Variants in COX7B2 observed in about 807,000 individuals in gnomAD.
The protein encoded by COX7B2 is cytochrome c oxidase subunit 7B2, also known as cytochrome c oxidase subunit 7B2, mitochondrial.
For missense variants in COX7B2, 109 were observed against 95.9 expected (o/e 1.14, Z -0.57); for synonymous variants, 37 against 32.1 (o/e 1.15, Z -0.51).
intron 2 of COX7B2, among the ~76,000 whole-genome samples, chr4:46,752,694 T>G (rs1577662082): frequency 6.6e-6 from 1 of 152,342 alleles, no homozygotes; most frequent in South Asian, 2.1e-4. Flanking sequence ...TTTTTGTCGT[T>G]GGTTCTGTTT....
chr4:46,829,685 T>A (rs1375072612), intron 2 of COX7B2, among the ~76,000 whole-genome samples: 3 of 152,142 alleles, frequency 2.0e-5, no homozygotes, highest in Admixed American at 6.6e-5. Flanking sequence ...TTGAACTGGA[T>A]CTTAAGAAGG....
chr4:46,781,895 G>A (rs1199585925), intron 2 of COX7B2, among the ~76,000 whole-genome samples: 1 of 152,216 alleles, frequency 6.6e-6, no homozygotes, highest in East Asian at 1.9e-4. Flanking sequence ...GCCTCCCCGT[G>A]TGGCAGGGCT....
At chr4:46,867,912 C>G (rs964474955) in intron 1 of COX7B2, among the ~76,000 whole-genome samples, 17 of 152,258 alleles carry the variant, frequency 1.1e-4, no homozygotes, top group African/African-American at 3.9e-4. Flanking sequence ...GGAGGAGTCC[C>G]TCCTCCTCAG....
chr4:46,828,651 T>TA (rs1279830046), intron 2 of COX7B2, among the ~76,000 whole-genome samples: 1 of 152,086 alleles, frequency 6.6e-6, no homozygotes, highest in East Asian at 1.9e-4. Context: ...AAAGTGCACA[T>TA]AGAGTACAAT....
chr4:46,782,749 A>T (rs1044844151), intron 2 of COX7B2, among the ~76,000 whole-genome samples: 1 of 152,098 alleles, frequency 6.6e-6, no homozygotes. Flanking sequence ...TGAACAAACA[A>T]CTCAAGATGC....
intron 1 of COX7B2, among the ~76,000 whole-genome samples, chr4:46,904,222 A>C (rs1720239789): frequency 1.3e-5 from 2 of 152,184 alleles, no homozygotes; most frequent in Non-Finnish European, 2.9e-5. Context: ...ATACTGATAA[A>C]TTGTACTATA....
At chr4:46,864,655 T>G (rs995219778) in intron 1 of COX7B2, among the ~76,000 whole-genome samples, 91 of 151,824 alleles carry the variant, frequency 6.0e-4, no homozygotes, top group Non-Finnish European at 1.0e-3. Flanking sequence ...TTTGTTTGTT[T>G]GTTTGTTTGT....
chr4:46,899,216 A>T (rs1719940093), intron 1 of COX7B2, among the ~76,000 whole-genome samples: 1 of 152,142 alleles, frequency 6.6e-6, no homozygotes, highest in African/African-American at 2.4e-5. Flanking sequence ...AATATACTAT[A>T]TTATACTGTA....
At chr4:46,884,895 T>A (rs925147114) in intron 1 of COX7B2, among the ~76,000 whole-genome samples, 6 of 151,902 alleles carry the variant, frequency 3.9e-5, no homozygotes, top group Non-Finnish European at 8.8e-5. Context: ...TTTTTTTTTT[T>A]ATTATGCTAG....
intron 2 of COX7B2, among the ~76,000 whole-genome samples, chr4:46,780,259 G>A (rs1302572042): frequency 6.6e-6 from 1 of 152,164 alleles, no homozygotes. Context: ...GCTCACACCT[G>A]TAATCCCCAG....
chr4:46,854,527 C>T (rs1055277047), intron 1 of COX7B2, among the ~76,000 whole-genome samples: 2 of 152,178 alleles, frequency 1.3e-5, no homozygotes, highest in Admixed American at 1.3e-4. Flanking sequence ...TTCTATTGGG[C>T]AGCACTGTTC....
At chr4:46,840,579 A>T (rs977142004) in intron 2 of COX7B2, among the ~76,000 whole-genome samples, 4 of 152,012 alleles carry the variant, frequency 2.6e-5, no homozygotes, top group Admixed American at 2.6e-4. Flanking sequence ...TAGGCATTTG[A>T]TCTATCAGCT....
At chr4:46,790,992 C>T (rs1718011324) in intron 2 of COX7B2, among the ~76,000 whole-genome samples, 1 of 151,910 alleles carries the variant, frequency 6.6e-6, no homozygotes, top group Non-Finnish European at 1.5e-5. Context: ...TAACAGTAAC[C>T]CAGATTTTTG....
chr4:46,772,520 T>C (rs933959908), intron 2 of COX7B2, among the ~76,000 whole-genome samples: 6 of 152,140 alleles, frequency 3.9e-5, no homozygotes, highest in Non-Finnish European at 5.9e-5. Flanking sequence ...TTTCACAATG[T>C]ACACATAAAT....
At chr4:46,789,275 TCAAGTATAGGAAAGTTCAAAA>T (rs1452816760) in intron 2 of COX7B2, among the ~76,000 whole-genome samples, 2 of 152,132 alleles carry the variant, frequency 1.3e-5, no homozygotes, top group African/African-American at 4.8e-5. Flanking sequence ...CAGATAAGAC[TCAAGTATAGGAAAGTTCAAAA>T]CAAGTAAAAC....
chr4:46,772,610 AAAAG>A (rs1204708733), intron 2 of COX7B2, among the ~76,000 whole-genome samples: 8 of 152,178 alleles, frequency 5.3e-5, no homozygotes, highest in Non-Finnish European at 4.4e-5. Context: ...GAAGGAGGAA[AAAAG>A]AAAGAAAGGG....
intron 2 of COX7B2, among the ~76,000 whole-genome samples, chr4:46,824,815 T>A (rs1292737108): frequency 6.6e-6 from 1 of 152,080 alleles, no homozygotes; most frequent in East Asian, 1.9e-4. Flanking sequence ...AAAAGGCTTT[T>A]GATAAAATTG....
At chr4:46,885,302 A>C (rs1038384553) in intron 1 of COX7B2, among the ~76,000 whole-genome samples, 4 of 152,136 alleles carry the variant, frequency 2.6e-5, no homozygotes, top group Admixed American at 2.6e-4. Flanking sequence ...CACGCATATA[A>C]TCACACACCT....
intron 2 of COX7B2, among the ~76,000 whole-genome samples, chr4:46,783,447 G>A (rs144945318): frequency 7.9e-5 from 12 of 152,270 alleles, no homozygotes; most frequent in African/African-American, 2.2e-4. Context: ...TAGTAGCTAG[G>A]TCACTGGTGG....
Sources: gnomAD v4.1 joint callset for allele counts (sites outside exome capture counted in the v4.1 genomes callset) on GRCh38, gnomAD v4.1.1 for gene constraint, MANE v1.5 for transcripts, NCBI Gene and HGNC (gene_info 2026-07-23, HGNC 2026-07-21) for gene names.